The following SHC4 variants were observed in gnomAD, a reference collection of about 807,000 sequenced individuals.
The protein encoded by SHC4 is SHC adaptor protein 4.
Under a neutral mutation model 69.4 loss-of-function variants are expected in SHC4, and 41 were observed. The ratio of observed to expected loss-of-function variants is 0.59; its 90% CI spans 0.46 to 0.77. The LOEUF is 0.77. SHC4 is among the 30% of genes least tolerant of loss of function. The probability of loss-of-function intolerance (pLI) is 0.00; values close to 1 mark genes in which losing one functional copy is unlikely to be tolerated. For synonymous variants in SHC4, 318 were observed against 299.3 expected (o/e 1.06, Z -0.64); for missense variants, 777 against 783.8 (o/e 0.99, Z 0.10).
At chr15:48,846,870 G>A (rs1371985283) in intron 9 of SHC4, among the ~76,000 whole-genome samples, 1 of 151,956 alleles carries the variant, frequency 6.6e-6, no homozygotes, top group African/African-American at 2.4e-5. Flanking sequence ...CCCTCACAAA[G>A]CGTTAGCCTG....
At chr15:48,925,856 T>C (rs1335048016) in intron 1 of SHC4, among the ~76,000 whole-genome samples, 1 of 152,052 alleles carries the variant, frequency 6.6e-6, no homozygotes, top group African/African-American at 2.4e-5. Flanking sequence ...ATGGTGTCAA[T>C]AGGAAGGACG....
At position 48,962,972 on chromosome 15, in the gene SHC4, T is replaced by C. The variant is rs997700729; in HGVS notation, c.44A>G (p.Tyr15Cys). ...CCCGGGGTGCCCGAAGAGTCCTACA[T>C]ACAGCACGAGTCCTGCCAGGCTGTC... ...GQDSLAGLVL[Y>C]VGLFGHPGML... Residue 15 changes from tyrosine to cysteine, a missense_variant, in exon 1 of 12, where the codon TAT (tyrosine) becomes TGT (cysteine). Physicochemically the swap from Tyr to Cys is radical, Grantham distance 194. Coordinates refer to ENST00000332408, the MANE Select transcript of SHC4 (RefSeq NM_203349.4). The C allele has an allele frequency of 1.9e-6, 3 of 1,612,772 alleles. No homozygotes were observed. The highest frequency in any genetic ancestry group is 2.2e-5 in the East Asian group (1 of 44,880).
In SHC4 at chr15:48,857,992, GA is replaced by G. The variant is rs1899363209; in HGVS notation, c.947-178del. ...TACTTCACATTTCACATGAATCAAA[GA>G]GAAGAAAGATTCAAATTTTACATCA... is the stretch of plus-strand genomic sequence containing the variant. On this transcript the variant is annotated intron_variant, in intron 6 of 11. Transcript: ENST00000332408. Among the ~76,000 whole-genome samples the G allele has an allele frequency of 2.6e-5, 4 of 152,252 alleles. No homozygotes were observed. The South Asian group carries it at 8.3e-4, about 32-fold the overall frequency.
intron 7 of SHC4, among the ~76,000 whole-genome samples, chr15:48,856,392 A>C (rs1899316770): frequency 6.6e-6 from 1 of 152,188 alleles, no homozygotes; most frequent in Non-Finnish European, 1.5e-5. Flanking sequence ...AATAATGATA[A>C]TAACAATATA....
At chr15:48,907,787 C>G (rs532575987) in intron 2 of SHC4, among the ~76,000 whole-genome samples, 1 of 134,868 alleles carries the variant, frequency 7.4e-6, no homozygotes, top group African/African-American at 2.8e-5. Flanking sequence ...TATATATATA[C>G]ACGGTCATAA....
At position 48,857,771 on chromosome 15, in the gene SHC4, T is replaced by C. The variant is rs371637218; in HGVS notation, c.991A>G (p.Ile331Val). ...TCAAAAGCCTGCCCTATGGTACTTA[T>C]GACGTCTTGGGCCATTCCATTGTGG... is the stretch of plus-strand genomic sequence containing the variant. ...ECHNGMAQDVISTIGQAFELR... is the reference protein window; with the variant it reads ...ECHNGMAQDVVSTIGQAFELR... Residue 331 changes from isoleucine to valine, a missense_variant, in exon 7 of 12, where the codon ATA becomes GTA. By Grantham distance (29) the Ile-to-Val change is conservative. Coordinates refer to ENST00000332408, the MANE Select transcript of SHC4 (RefSeq NM_203349.4). 14 of 1,605,384 alleles carry C rather than the reference T, an allele frequency of 8.7e-6. No homozygotes were observed. The highest frequency in any genetic ancestry group is 1.2e-5 in the Non-Finnish European group (14 of 1,174,794).
At chr15:48,837,955 T>C (rs183366600) in intron 10 of SHC4, among the ~76,000 whole-genome samples, 26 of 152,326 alleles carry the variant, frequency 1.7e-4, no homozygotes, top group Admixed American at 9.8e-4. Flanking sequence ...ATATGAACTA[T>C]AAAGATGGCA....
chr15:48,884,390 AC>A, intron 3 of SHC4, 23 bp from the exon 4 acceptor site: 1 of 1,560,938 alleles, frequency 6.4e-7, no homozygotes, highest in Non-Finnish European at 8.6e-7. Flanking sequence ...AAGAAGAAAA[AC>A]AAAACACTGT....
At chr15:48,950,810 C>A (rs1216062969) in intron 1 of SHC4, among the ~76,000 whole-genome samples, 1 of 152,042 alleles carries the variant, frequency 6.6e-6, no homozygotes, top group Non-Finnish European at 1.5e-5. Context: ...CACTGGTGTG[C>A]TTGGGTCGCG....
chr15:48,903,364 C>A (rs961874611), intron 2 of SHC4, among the ~76,000 whole-genome samples: 2 of 152,160 alleles, frequency 1.3e-5, no homozygotes, highest in Non-Finnish European at 2.9e-5. Flanking sequence ...GTTTTGGGTG[C>A]CTCCCGTCTA....
At position 48,884,248 on chromosome 15, in the gene SHC4, C is replaced by T; in HGVS notation, c.840G>A (p.Gln280=). Residue 280 remains glutamine, a splice_region_variant and synonymous_variant, in exon 4 of 12, where the codon CAG becomes CAA. Coordinates refer to ENST00000332408, the MANE Select transcript of SHC4 (RefSeq NM_203349.4). ...SLTLMNLDNQ[Q]IIANHHMQSI... Reference sequence around the variant, plus strand: ...CTATAAATGACATTTGTGATCTTACCTGTTGGTTGTCAAGATTCATCAATG... The same window carrying T: ...CTATAAATGACATTTGTGATCTTACTTGTTGGTTGTCAAGATTCATCAATG... 1 of 1,592,470 alleles carries T rather than the reference C, an allele frequency of 6.3e-7. No homozygotes were observed. Among genetic ancestry groups the T allele is most frequent in the South Asian group, 1.2e-5 (1 of 86,182 alleles).
At chr15:48,933,760 A>G (rs1334804232) in intron 1 of SHC4, among the ~76,000 whole-genome samples, 2 of 152,220 alleles carry the variant, frequency 1.3e-5, no homozygotes, top group Non-Finnish European at 2.9e-5. Context: ...AGACATATAG[A>G]TTAGTAGAAT....
chr15:48,844,615 T>G (rs1899053345), intron 9 of SHC4, among the ~76,000 whole-genome samples: 1 of 152,198 alleles, frequency 6.6e-6, no homozygotes, highest in East Asian at 1.9e-4. Context: ...CAGTTTGCAC[T>G]TGACCTCTGA....
intron 1 of SHC4, among the ~76,000 whole-genome samples, chr15:48,942,737 T>C (rs935860623): frequency 2.6e-5 from 4 of 152,116 alleles, no homozygotes; most frequent in Non-Finnish European, 4.4e-5. Flanking sequence ...GAAGTAAGAG[T>C]CTAGGAGCAG....
intron 1 of SHC4, among the ~76,000 whole-genome samples, chr15:48,935,243 T>G (rs1445645201): frequency 1.3e-5 from 2 of 152,144 alleles, no homozygotes; most frequent in Non-Finnish European, 2.9e-5. Flanking sequence ...GTGACTACAG[T>G]TTTTTGAAAT....
intron 11 of SHC4, among the ~76,000 whole-genome samples, chr15:48,829,261 T>C (rs938306501): frequency 1.3e-5 from 2 of 152,184 alleles, no homozygotes; most frequent in African/African-American, 4.8e-5. Context: ...ACTTGGTCCA[T>C]AGTGTTGTTC....
chr15:48,910,760 G>T (rs1900494643), intron 2 of SHC4, among the ~76,000 whole-genome samples: 1 of 152,024 alleles, frequency 6.6e-6, no homozygotes, highest in East Asian at 1.9e-4. Context: ...TTGATAGATT[G>T]TGTCATTATT....
chr15:48,886,172 G>A (rs1199296168), intron 3 of SHC4, among the ~76,000 whole-genome samples: 3 of 152,082 alleles, frequency 2.0e-5, no homozygotes, highest in African/African-American at 4.8e-5. Context: ...TAGGAGAATC[G>A]CTTGAACCTG....
At chr15:48,881,390 A>C (rs1899944509) in intron 4 of SHC4, among the ~76,000 whole-genome samples, 1 of 151,658 alleles carries the variant, frequency 6.6e-6, no homozygotes, top group Admixed American at 6.6e-5. Flanking sequence ...AAAAAAAAAA[A>C]CCATCTGATT....
Sources: gnomAD v4.1 joint callset for allele counts (sites outside exome capture counted in the v4.1 genomes callset) on GRCh38, gnomAD v4.1.1 for gene constraint, MANE v1.5 for transcripts, NCBI Gene and HGNC (gene_info 2026-07-23, HGNC 2026-07-21) for gene names.